RBFOX1: variants seen among roughly 807,000 people sequenced by gnomAD.
The protein encoded by RBFOX1 is RNA binding protein fox-1 homolog 1.
Under a neutral mutation model 57.7 loss-of-function variants are expected in RBFOX1, and 8 were observed. The ratio of observed to expected loss-of-function variants is 0.14; its 90% CI spans 0.08 to 0.25. The LOEUF (loss-of-function observed/expected upper bound fraction) is 0.25. RBFOX1 is among the 10% of genes least tolerant of loss of function. RBFOX1 has a pLI of 1.00. For synonymous variants in RBFOX1, 326 were observed against 222.4 expected (o/e 1.47, Z -4.15); for missense variants, 611 against 548.5 (o/e 1.11, Z -1.14).
intron 4 of RBFOX1, among the ~76,000 whole-genome samples, chr16:7,395,760 G>A (rs900912217): frequency 3.3e-5 from 5 of 152,184 alleles, no homozygotes; most frequent in African/African-American, 1.2e-4. Flanking sequence ...ATAGCAATCT[G>A]CAATAAGTTA....
intron 2 of RBFOX1, among the ~76,000 whole-genome samples, chr16:5,597,005 C>G (rs1403723326): frequency 6.6e-6 from 1 of 152,120 alleles, no homozygotes; most frequent in Non-Finnish European, 1.5e-5. Flanking sequence ...TGACCAATGT[C>G]TACTAGAAAA....
intron 4 of RBFOX1, among the ~76,000 whole-genome samples, chr16:6,009,793 A>AGTGTGTGTATGTGT (rs1170862322): frequency 7.1e-5 from 5 of 70,064 alleles, no homozygotes; most frequent in Non-Finnish European, 1.3e-4. Flanking sequence ...GACATGGGGC[A>AGTGTGTGTATGTGT]GTGTGTGTAT....
chr16:7,369,188 G>C (rs369808145), intron 4 of RBFOX1, among the ~76,000 whole-genome samples: 7 of 152,014 alleles, frequency 4.6e-5, no homozygotes, highest in Non-Finnish European at 8.8e-5. Flanking sequence ...TTGACTCCAA[G>C]TCTTGCCACC....
chr16:6,491,725 A>G (rs1168692556), intron 2 of RBFOX1, among the ~76,000 whole-genome samples: 3 of 152,190 alleles, frequency 2.0e-5, no homozygotes, highest in African/African-American at 7.2e-5. Flanking sequence ...GAAGGCTGAA[A>G]CTTGGGATGG....
At chr16:6,556,591 A>T (rs116094776) in intron 2 of RBFOX1, among the ~76,000 whole-genome samples, 5 of 152,176 alleles carry the variant, frequency 3.3e-5, no homozygotes, top group Admixed American at 3.3e-4. Context: ...CATTTTCCAG[A>T]TTGAATTTTA....
intron 1 of RBFOX1, among the ~76,000 whole-genome samples, chr16:6,076,855 A>C (rs146895476): frequency 2.0e-5 from 3 of 152,172 alleles, no homozygotes; most frequent in African/African-American, 4.8e-5. Context: ...GAGCAGAAAC[A>C]GTTGGCACTC....
chr16:6,310,023 G>T (rs1377397199), intron 1 of RBFOX1, among the ~76,000 whole-genome samples: 1 of 152,142 alleles, frequency 6.6e-6, no homozygotes, highest in African/African-American at 2.4e-5. Context: ...GAGGAGCTGG[G>T]AATATAGGTG....
chr16:5,656,797 C>T (rs915260181), intron 3 of RBFOX1, among the ~76,000 whole-genome samples: 1 of 152,090 alleles, frequency 6.6e-6, no homozygotes, highest in African/African-American at 2.4e-5. Flanking sequence ...TCCAGTCTAT[C>T]ATTGATGGGC....
chr16:6,545,938 T>C (rs2096888616), intron 2 of RBFOX1, among the ~76,000 whole-genome samples: 1 of 152,216 alleles, frequency 6.6e-6, no homozygotes, highest in African/African-American at 2.4e-5. Flanking sequence ...ATAGTCTCTG[T>C]GTACTGTTGT....
At chr16:6,115,644 A>G (rs1314997015) in intron 1 of RBFOX1, among the ~76,000 whole-genome samples, 2 of 152,190 alleles carry the variant, frequency 1.3e-5, no homozygotes, top group Non-Finnish European at 2.9e-5. Flanking sequence ...GTGGTCAGCA[A>G]ACTTTTTCTA....
intron 8 of RBFOX1, chr16:7,597,158 A>G: frequency 2.3e-6 from 1 of 436,540 alleles, no homozygotes; most frequent in South Asian, 4.0e-5. Context: ...ACATTGCTTT[A>G]TTGAAATGAT....
chr16:7,598,898 A>C (rs2094858174), intron 9 of RBFOX1, among the ~76,000 whole-genome samples: 1 of 152,234 alleles, frequency 6.6e-6, no homozygotes, highest in Non-Finnish European at 1.5e-5. Context: ...ATGATCTAGC[A>C]ATGTATTATC....
chr16:6,882,867 C>T (rs962075559), intron 3 of RBFOX1, among the ~76,000 whole-genome samples: 1 of 152,136 alleles, frequency 6.6e-6, no homozygotes, highest in Admixed American at 6.5e-5. Context: ...AGTGAACAAC[C>T]ATCTTCCTGC....
intron 3 of RBFOX1, among the ~76,000 whole-genome samples, chr16:6,683,769 C>T (rs1177065238): frequency 1.3e-5 from 2 of 152,104 alleles, no homozygotes; most frequent in Non-Finnish European, 2.9e-5. Flanking sequence ...TGGAGCTTTG[C>T]GGTCAGACAT....
intron 6 of RBFOX1, among the ~76,000 whole-genome samples, chr16:7,585,413 C>T (rs181490118): frequency 7.9e-5 from 12 of 152,278 alleles, no homozygotes; most frequent in Admixed American, 3.9e-4. Context: ...CGTTTGTTGG[C>T]GTTTCCATTG....
chr16:7,612,213 T>C (rs929849442), intron 10 of RBFOX1, among the ~76,000 whole-genome samples: 1 of 148,000 alleles, frequency 6.8e-6, no homozygotes, highest in Non-Finnish European at 1.5e-5. Context: ...CCCAGCTACT[T>C]GGGAGGCAGA....
intron 1 of RBFOX1, among the ~76,000 whole-genome samples, chr16:6,059,414 C>T (rs2095656021): frequency 6.6e-6 from 1 of 152,030 alleles, no homozygotes; most frequent in Non-Finnish European, 1.5e-5. Flanking sequence ...TTATTGCACG[C>T]AATATAAACA....
rs945404947 is a variant in RBFOX1 at position 7,197,998 on chromosome 16, C to CTTTTTTT, written c.27+145919_27+145925dup. 3.7e-3 allele frequency among the ~76,000 whole-genome samples: 207 copies of CTTTTTTT among 55,604 alleles called. 5 individuals are homozygous for CTTTTTTT. Among genetic ancestry groups the CTTTTTTT allele is most frequent in the African/African-American group, 8.5e-3 (115 of 13,608 alleles). The allele number at this position is 55,604 out of a possible 152,430, so 36.5% of individuals were successfully genotyped here. ...TCATACCTTGTGGTTTTCTTTCTTTCTTTTTTTTTTTTTTTTTTTTTTTTT... is the reference window on the plus strand; with the variant it reads ...TCATACCTTGTGGTTTTCTTTCTTTCTTTTTTTTTTTTTTTTTTTTTTTTTTTTTTTT... On this transcript the variant is annotated intron_variant, in intron 4 of 15. Transcript: ENST00000550418.
intron 2 of RBFOX1, among the ~76,000 whole-genome samples, chr16:5,525,566 C>T (rs2044213114): frequency 7.0e-6 from 1 of 142,828 alleles, no homozygotes; most frequent in Non-Finnish European, 1.5e-5. Context: ...GGCGTGATCT[C>T]AGCTCACTGC....
Sources: allele counts gnomAD v4.1 joint callset (sites outside exome capture counted in the v4.1 genomes callset), GRCh38; gene constraint gnomAD v4.1.1; transcripts MANE v1.5; gene names NCBI Gene and HGNC (gene_info 2026-07-23, HGNC 2026-07-21).